KCNK3: variants seen among roughly 807,000 people sequenced by gnomAD.
KCNK3 encodes potassium two pore domain channel subfamily K member 3, also known as potassium channel subfamily K member 3.
Under a neutral mutation model 27.3 loss-of-function variants are expected in KCNK3, and 9 were observed. The ratio of observed to expected loss-of-function variants is 0.33; its 90% CI spans 0.20 to 0.57. The LOEUF (loss-of-function observed/expected upper bound fraction) is 0.57, where lower values mean the gene tolerates loss of function less well. Ranked by LOEUF, KCNK3 falls within the 20% of genes least tolerant of loss-of-function variation. KCNK3 has a pLI of 0.87. For synonymous variants in KCNK3, 278 were observed against 273.8 expected (o/e 1.02, Z -0.15); for missense variants, 391 against 577.7 (o/e 0.68, Z 3.31).
rs1462819078 is a variant in KCNK3 at position 26,721,267 on chromosome 2, A to G, written c.284-6400A>G. Among the ~76,000 whole-genome samples the G allele has an allele frequency of 2.6e-5, 4 of 152,016 alleles. No homozygotes were observed. Among genetic ancestry groups the G allele is most frequent in the Admixed American group, 2.0e-4 (3 of 15,266 alleles). Reference sequence around the variant, plus strand: ...GGGGCCTGAGAGGGGCAGAGGGAGGAGAGGCCTCTTCAGTGCCCAGAGAAG... The same window carrying G: ...GGGGCCTGAGAGGGGCAGAGGGAGGGGAGGCCTCTTCAGTGCCCAGAGAAG... On this transcript the variant is annotated intron_variant, in intron 1 of 1. Coordinates refer to ENST00000302909, the MANE Select transcript of KCNK3 (RefSeq NM_002246.3). The surrounding 1 kb of genome is among the most constrained non-coding windows in gnomAD (Gnocchi z 4.3).
intron 1 of KCNK3, among the ~76,000 whole-genome samples, chr2:26,695,232 T>C (rs750501595): frequency 1.3e-5 from 2 of 152,176 alleles, no homozygotes; most frequent in Non-Finnish European, 2.9e-5. Context: ...TTTTTTCTTT[T>C]TTTGAGAGAA....
At chr2:26,711,909 G>A (rs985599786) in intron 1 of KCNK3, among the ~76,000 whole-genome samples, 3 of 152,158 alleles carry the variant, frequency 2.0e-5, no homozygotes, top group Non-Finnish European at 2.9e-5. Flanking sequence ...GCAGCTGGGG[G>A]GAGCTGGGTC....
At position 26,693,303 on chromosome 2, in the gene KCNK3, G is replaced by A; in HGVS notation, c.283+145G>A. The A allele has an allele frequency of 1.2e-6, 1 of 822,100 alleles. No homozygotes were observed. The highest frequency in any genetic ancestry group is 3.2e-5 in the East Asian group (1 of 30,966). The allele number at this position is 822,100 out of a possible 1,614,324, so 50.9% of individuals were successfully genotyped here. On this transcript the variant is annotated intron_variant, in intron 1 of 1. Coordinates refer to ENST00000302909, the MANE Select transcript of KCNK3 (RefSeq NM_002246.3). This position sits in a 1 kb window ranked among gnomAD's most constrained non-coding sequence, Gnocchi z 5.5. ...CTGCGCTCGCAGAAACCCGAGTTCA[G>A]CCTGGCGTGTGTGCTCCGCGGGGAC...
In KCNK3 at chr2:26,728,383, TCCACGTCCG is replaced by T; in HGVS notation, c.1001_1009del (p.Ser334_Asp337delinsTyr). 6.2e-7 allele frequency: 1 copy of T among 1,607,668 alleles called. No individual in the cohort carries two copies. Among genetic ancestry groups the T allele is most frequent in the South Asian group, 1.1e-5 (1 of 90,280 alleles). On this transcript the variant is annotated inframe_deletion, in exon 2 of 2. Coordinates refer to ENST00000302909, the MANE Select transcript of KCNK3 (RefSeq NM_002246.3). ...CCCCATGATCATCCCGCGGGACCTC[TCCACGTCCG>T]ACACGTGCGTGGAGCAGAGCCACTC...
At chr2:26,695,036 T>C (rs952466024) in intron 1 of KCNK3, among the ~76,000 whole-genome samples, 1 of 152,182 alleles carries the variant, frequency 6.6e-6, no homozygotes, top group African/African-American at 2.4e-5. Context: ...CCACTGTCCA[T>C]GGAATCTGGT....
intron 1 of KCNK3, among the ~76,000 whole-genome samples, chr2:26,698,573 A>G (rs1333505360): frequency 2.6e-5 from 4 of 152,218 alleles, no homozygotes; most frequent in Admixed American, 6.5e-5. Flanking sequence ...TTGTTTGTGC[A>G]TTATTACTTG....
chr2:26,702,958 A>G (rs1443856795), intron 1 of KCNK3, among the ~76,000 whole-genome samples: 1 of 152,132 alleles, frequency 6.6e-6, no homozygotes, highest in Non-Finnish European at 1.5e-5. Context: ...GCTACTAAAA[A>G]TACAAAAATT....
intron 1 of KCNK3, among the ~76,000 whole-genome samples, chr2:26,696,606 C>A (rs1670238401): frequency 6.6e-6 from 1 of 152,196 alleles, no homozygotes. Flanking sequence ...CCTGGTCTCC[C>A]AGCCAGGAAA....
At chr2:26,708,622 C>T (rs1380642455) in intron 1 of KCNK3, among the ~76,000 whole-genome samples, 3 of 152,032 alleles carry the variant, frequency 2.0e-5, no homozygotes, top group South Asian at 2.1e-4. Flanking sequence ...GAGGTTGCAG[C>T]GAGCCGAGAT....
At chr2:26,704,781 C>A (rs1670351869) in intron 1 of KCNK3, among the ~76,000 whole-genome samples, 1 of 152,242 alleles carries the variant, frequency 6.6e-6, no homozygotes, top group African/African-American at 2.4e-5. Flanking sequence ...GATGGATCTG[C>A]CCTGGACTGT....
rs376444190 is a variant in KCNK3 at position 26,712,626 on chromosome 2, C to T, written c.284-15041C>T. On this transcript the variant is annotated intron_variant, in intron 1 of 1. Coordinates refer to ENST00000302909, the MANE Select transcript of KCNK3 (RefSeq NM_002246.3). ...AACCTATCGGGATGGTGGGCAGAGG[C>T]GTGCCCAGAGGCCACAGTAGGGGAG... Among the ~76,000 whole-genome samples the T allele has an allele frequency of 1.9e-4, 28 of 151,158 alleles. No individual in the cohort carries two copies. In the East Asian group the frequency reaches 2.9e-3, roughly 16 times the overall value.
At chr2:26,706,483 C>T (rs535861248) in intron 1 of KCNK3, among the ~76,000 whole-genome samples, 1 of 152,268 alleles carries the variant, frequency 6.6e-6, no homozygotes, top group South Asian at 2.1e-4. Flanking sequence ...AGCCAGGGTG[C>T]CCCCTTCTTC....
intron 1 of KCNK3, among the ~76,000 whole-genome samples, chr2:26,695,552 G>C (rs1188249568): frequency 1.3e-5 from 2 of 152,166 alleles, no homozygotes; most frequent in Non-Finnish European, 2.9e-5. Context: ...TGCATTATAG[G>C]GGAAGTGTTT....
intron 1 of KCNK3, among the ~76,000 whole-genome samples, chr2:26,699,104 G>A (rs1419087630): frequency 1.3e-5 from 2 of 151,550 alleles, no homozygotes; most frequent in African/African-American, 2.4e-5. Context: ...CTTAAACCTG[G>A]GAGGCAGAGG....
chr2:26,698,942 C>T (rs1390053061), intron 1 of KCNK3, among the ~76,000 whole-genome samples: 2 of 152,032 alleles, frequency 1.3e-5, no homozygotes, highest in African/African-American at 4.8e-5. Flanking sequence ...TTTGGGAAGC[C>T]GAGGTGGGCA....
At chr2:26,712,223 G>A (rs1372012573) in intron 1 of KCNK3, among the ~76,000 whole-genome samples, 3 of 152,184 alleles carry the variant, frequency 2.0e-5, no homozygotes, top group African/African-American at 7.2e-5. Flanking sequence ...GCTGAGGTGG[G>A]TACTGCCTCC....
intron 1 of KCNK3, among the ~76,000 whole-genome samples, chr2:26,726,144 C>T (rs975001402): frequency 6.6e-5 from 9 of 135,480 alleles, no homozygotes; most frequent in Admixed American, 6.5e-4. Context: ...GAGAGAGAGA[C>T]AGTAAGTCCA....
chr2:26,702,820 A>G (rs72800463), intron 1 of KCNK3, among the ~76,000 whole-genome samples: 7,671 of 152,214 alleles, frequency 0.05, 268 homozygotes, highest in Middle Eastern at 0.082. Context: ...CAGGCCATCA[A>G]TAAGGGCAGG....
At chr2:26,700,383 G>A (rs1480266976) in intron 1 of KCNK3, among the ~76,000 whole-genome samples, 1 of 152,232 alleles carries the variant, frequency 6.6e-6, no homozygotes, top group Non-Finnish European at 1.5e-5. Context: ...GTGGCTCCCA[G>A]AGACCTTCCC....
Sources: allele counts gnomAD v4.1 joint callset (sites outside exome capture counted in the v4.1 genomes callset), GRCh38; gene constraint gnomAD v4.1.1; non-coding constraint Gnocchi (gnomAD v3.1); transcripts MANE v1.5; gene names NCBI Gene and HGNC (gene_info 2026-07-23, HGNC 2026-07-21).